Variants in MAST3 observed in about 807,000 individuals in gnomAD.
The protein encoded by MAST3 is microtubule associated serine/threonine kinase 3, also known as microtubule-associated serine/threonine-protein kinase 3.
MAST3 carries 43 observed loss-of-function variants against 127.0 expected under a neutral mutation model. That is an observed-to-expected ratio of 0.34 (90% CI 0.27 to 0.44). MAST3 has a LOEUF of 0.44. Ranked by LOEUF, MAST3 falls within the 20% of genes least tolerant of loss-of-function variation. The probability of loss-of-function intolerance (pLI) is 1.00; values close to 1 mark genes in which losing one functional copy is unlikely to be tolerated. For missense variants in MAST3, 1,390 were observed against 1,919.1 expected (o/e 0.72, Z 5.15); for synonymous variants, 785 against 809.2 (o/e 0.97, Z 0.51).
At chr19:18,141,349 A>G (rs1361224551) in intron 20 of MAST3, among the ~76,000 whole-genome samples, 1 of 150,126 alleles carries the variant, frequency 6.7e-6, no homozygotes, top group Non-Finnish European at 1.5e-5. Flanking sequence ...CAACTGGTAC[A>G]TAGGAATCAC....
chr19:18,144,887 T>A lies in MAST3; in HGVS notation c.2813-116T>A. On this transcript the variant is annotated intron_variant, in intron 23 of 27. Transcript: ENST00000687212. This position sits in a 1 kb window ranked among gnomAD's most constrained non-coding sequence, Gnocchi z 4.0. ...GTGCAAAGGCCTGGTGGGGTGACCA[T>A]GCTTGGGACATTGAAGCAACAGCAA... The A allele has an allele frequency of 1.2e-6, 1 of 860,446 alleles. No individual in the cohort carries two copies. The highest frequency in any genetic ancestry group is 1.9e-6 in the Non-Finnish European group (1 of 535,574). The allele number at this position is 860,446 out of a possible 1,614,324, so 53.3% of individuals were successfully genotyped here. A position where few individuals can be genotyped will look rare whatever the true frequency, so the allele number is the denominator to read the frequency against.
chr19:18,109,524 G>A (rs2038337293), intron 2 of MAST3, among the ~76,000 whole-genome samples: 1 of 152,124 alleles, frequency 6.6e-6, no homozygotes, highest in East Asian at 1.9e-4. Context: ...CACCTTCCCT[G>A]TGCCCCACTG....
chr19:18,099,606 ACAGAGT>A (rs1358279725), intron 1 of MAST3, among the ~76,000 whole-genome samples: 3 of 152,114 alleles, frequency 2.0e-5, no homozygotes, highest in African/African-American at 4.8e-5. Flanking sequence ...AGTATAGGTG[ACAGAGT>A]CAGACAGGAT....
rs965459822 is a variant in MAST3, at chr19:18,097,788, G to A, written c.-5G>A. On this transcript the variant is annotated 5_prime_UTR_variant, in exon 1 of 28. Coordinates refer to ENST00000687212, the MANE Select transcript of MAST3 (RefSeq NM_001393504.1). ...GGCGGGCCTGGCGGCGCGGACTCCC[G>A]GGCCATGGACGAGTCGAGCCTCCTG... 1.3e-5 allele frequency: 16 copies of A among 1,218,238 alleles called. No individual in the cohort carries two copies. Among genetic ancestry groups the A allele is most frequent in the Non-Finnish European group, 1.6e-5 (16 of 979,434 alleles). 75.5% of individuals were successfully genotyped at this position (1,218,238 alleles called of 1,614,324 possible). A position where few individuals can be genotyped will look rare whatever the true frequency, so the allele number is the denominator to read the frequency against.
intron 11 of MAST3, among the ~76,000 whole-genome samples, chr19:18,126,069 A>C (rs2040584580): frequency 1.3e-5 from 2 of 151,892 alleles, no homozygotes; most frequent in South Asian, 4.1e-4. Flanking sequence ...AAAAAAAAAA[A>C]GATGTAGCTG....
chr19:18,122,621 C>A, intron 5 of MAST3, 52 bp from the exon 6 acceptor site: 2 of 1,518,916 alleles, frequency 1.3e-6, no homozygotes, highest in Non-Finnish European at 1.8e-6. Flanking sequence ...TTAGTCCCCA[C>A]AAACCACAGG....
chr19:18,106,098 T>C (rs2038050438), intron 1 of MAST3, among the ~76,000 whole-genome samples: 1 of 152,050 alleles, frequency 6.6e-6, no homozygotes, highest in African/African-American at 2.4e-5. Context: ...TATTATTAAT[T>C]TTTTTTAGAC....
intron 3 of MAST3, among the ~76,000 whole-genome samples, chr19:18,120,846 C>T (rs2039888007): frequency 1.3e-5 from 2 of 152,192 alleles, no homozygotes; most frequent in South Asian, 4.1e-4. Context: ...CTCAGCCTAC[C>T]AAGTAGCTGG....
intron 15 of MAST3, among the ~76,000 whole-genome samples, chr19:18,132,771 C>T (rs1374052212): frequency 1.3e-5 from 2 of 152,184 alleles, no homozygotes; most frequent in African/African-American, 4.8e-5. Flanking sequence ...TGACATTTCT[C>T]ACATACATGT....
At chr19:18,146,300 C>T (rs1229808180) in intron 25 of MAST3, among the ~76,000 whole-genome samples, 1 of 152,186 alleles carries the variant, frequency 6.6e-6, no homozygotes, top group Non-Finnish European at 1.5e-5. Flanking sequence ...ATAAAATTAG[C>T]TAGGCATGGT....
chr19:18,105,877 C>T (rs1307861453), intron 1 of MAST3, among the ~76,000 whole-genome samples: 1 of 152,012 alleles, frequency 6.6e-6, no homozygotes, highest in African/African-American at 2.4e-5. Flanking sequence ...CCCACGCCCC[C>T]ACTGGTACCC....
chr19:18,145,362 GTCCCTGTCATT>G lies in MAST3; in HGVS notation c.3039+135_3039+145del. 1.2e-6 allele frequency: 1 copy of G among 825,828 alleles called. No homozygotes were observed. Among genetic ancestry groups the G allele is most frequent in the Non-Finnish European group, 2.0e-6 (1 of 505,784 alleles). 51.2% of individuals were successfully genotyped at this position (825,828 alleles called of 1,614,324 possible). A position where few individuals can be genotyped will look rare whatever the true frequency, so the allele number is the denominator to read the frequency against. ...AGCTGGTGCCACCGAGTTCATCTCG[GTCCCTGTCATT>G]TGGCAGGGAGGAGGTCAGATGAGAG... On this transcript the variant is annotated intron_variant, in intron 24 of 27. Coordinates refer to ENST00000687212, the MANE Select transcript of MAST3 (RefSeq NM_001393504.1). The surrounding 1 kb of genome is among the most constrained non-coding windows in gnomAD (Gnocchi z 5.9).
intron 14 of MAST3, among the ~76,000 whole-genome samples, chr19:18,131,437 A>G (rs2041272004): frequency 7.2e-6 from 1 of 139,832 alleles, no homozygotes; most frequent in African/African-American, 2.6e-5. Flanking sequence ...GCGGTGGCCA[A>G]CGCCTGTAAT....
intron 25 of MAST3, among the ~76,000 whole-genome samples, chr19:18,146,470 CAT>C (rs1019676751): frequency 1.7e-4 from 26 of 151,962 alleles, no homozygotes; most frequent in Non-Finnish European, 3.4e-4. Flanking sequence ...AGAGGGCTCT[CAT>C]GTGGGCAGCT....
chr19:18,149,378 C>T lies in MAST3; in HGVS notation c.3696C>T (p.Ile1232=), dbSNP rs1044477547. ...IPPSPLACPP[I]SAPPPRSPSP... ...CCTCCCCGCTGGCCTGCCCGCCCAT[C>T]TCCGCGCCCCCACCCCGCTCGCCCT... The change falls in exon 28 of 28, where the codon ATC becomes ATT. Residue 1232 remains isoleucine (I), a synonymous_variant. Transcript: ENST00000687212. This position sits in a 1 kb window ranked among gnomAD's most constrained non-coding sequence, Gnocchi z 5.9. 3.7e-5 allele frequency: 55 copies of T among 1,479,620 alleles called. No individual in the cohort carries two copies. The African/African-American group carries it at 7.3e-4, about 20-fold the overall frequency. 91.7% of individuals were successfully genotyped at this position (1,479,620 alleles called of 1,614,324 possible).
At position 18,142,026 on chromosome 19, in the gene MAST3, T is replaced by C; in HGVS notation, c.2339+11T>C. On this transcript the variant is annotated intron_variant, in intron 21 of 27. Coordinates refer to ENST00000687212, the MANE Select transcript of MAST3 (RefSeq NM_001393504.1). ...GAGTGCTGACATCCGGTAAGTGGCC[T>C]GGGGAAGTGTAGGCAGATCCAGCTT... 6.9e-7 allele frequency: 1 copy of C among 1,454,300 alleles called. No homozygotes were observed. The allele number at this position is 1,454,300 out of a possible 1,614,324, so 90.1% of individuals were successfully genotyped here.
At position 18,144,886 on chromosome 19, in the gene MAST3, A is replaced by C; in HGVS notation, c.2813-117A>C. The C allele has an allele frequency of 1.2e-6, 1 of 862,172 alleles. No homozygotes were observed. Among genetic ancestry groups the C allele is most frequent in the Admixed American group, 2.0e-5 (1 of 49,218 alleles). The allele number at this position is 862,172 out of a possible 1,614,324, so 53.4% of individuals were successfully genotyped here. ...CGTGCAAAGGCCTGGTGGGGTGACC[A>C]TGCTTGGGACATTGAAGCAACAGCA... On this transcript the variant is annotated intron_variant, in intron 23 of 27. Transcript: ENST00000687212. The surrounding 1 kb of genome is among the most constrained non-coding windows in gnomAD (Gnocchi z 4.0).
intron 3 of MAST3, among the ~76,000 whole-genome samples, chr19:18,116,953 C>T (rs1380827815): frequency 2.7e-5 from 4 of 150,912 alleles, no homozygotes; most frequent in Middle Eastern, 3.4e-3. Flanking sequence ...GAAGCCTGGG[C>T]CCCAGCATTG....
chr19:18,139,201 G>T (rs1188589155), intron 20 of MAST3, 77 bp downstream of exon 20: 14 of 1,179,842 alleles, frequency 1.2e-5, no homozygotes, highest in Non-Finnish European at 1.6e-5. Context: ...TCTGTTTTTT[G>T]ATTTTGCTTT....
Sources: gnomAD v4.1 joint callset for allele counts (sites outside exome capture counted in the v4.1 genomes callset) on GRCh38, gnomAD v4.1.1 for gene constraint, Gnocchi (gnomAD v3.1) non-coding constraint, MANE v1.5 for transcripts, NCBI Gene and HGNC (gene_info 2026-07-23, HGNC 2026-07-21) for gene names.